Variants in ATG7 observed in about 807,000 individuals in gnomAD.
ATG7 encodes ubiquitin-like modifier-activating enzyme ATG7.
A neutral mutation model predicts 82.4 loss-of-function variants in ATG7; 70 were observed. The ratio of observed to expected loss-of-function variants is 0.85; its 90% CI spans 0.70 to 1.04. The LOEUF is 1.04. Among genes scored for constraint, ATG7 ranks in the 50% least tolerant of loss-of-function variants. The pLI is 0.00. For missense variants in ATG7, 792 were observed against 864.3 expected, an observed-to-expected ratio of 0.92 and a Z score of 1.05; for synonymous variants, 287 against 313.0, an observed-to-expected ratio of 0.92 and a Z score of 0.88.
At chr3:11,477,004 T>TCG in intron 20 of ATG7, 1 of 969,290 alleles carries the variant, frequency 1.0e-6, no homozygotes, top group South Asian at 1.4e-5. Context: ...TTTATTACAG[T>TCG]GTTTTCCGAT....
chr3:11,488,343 C>T lies in ATG7; in HGVS notation c.2079+61417C>T, dbSNP rs1204973340. 375 of 547,522 alleles carry T rather than the reference C, an allele frequency of 6.8e-4. 2 individuals are homozygous for T. The highest frequency in any genetic ancestry group is 6.5e-3 in the African/African-American group (301 of 46,464). The allele number at this position is 547,522 out of a possible 1,614,324, so 33.9% of individuals were successfully genotyped here. A position where few individuals can be genotyped will look rare whatever the true frequency, so the allele number is the denominator to read the frequency against. ...CGCGGGGTCCGTCCGCTCCTCCAGC[C>T]GCTGCCTCCCGGGCGGCACTCGCCG... On this transcript the variant is annotated intron_variant, in intron 20 of 20. Transcript: ENST00000693202.
chr3:11,514,705 C>T (rs1455129284), intron 20 of ATG7, among the ~76,000 whole-genome samples: 2 of 152,234 alleles, frequency 1.3e-5, no homozygotes, highest in Admixed American at 6.5e-5. Flanking sequence ...TACATAGCTC[C>T]ACTTTTCAGA....
chr3:11,348,535 TG>T (rs1477651877), intron 14 of ATG7: 7 of 153,706 alleles, frequency 4.6e-5, no homozygotes, highest in Admixed American at 1.3e-4. Context: ...TGGAGTTTGG[TG>T]GGTTCATAGT....
At chr3:11,569,099 G>A in the ATG7 span, among the ~76,000 whole-genome samples, 1 of 152,210 alleles carries the variant, frequency 6.6e-6, no homozygotes, top group African/African-American at 2.4e-5. Flanking sequence ...ATTCCAAGCA[G>A]TGACATTGAA....
chr3:11,559,513 CT>C (rs376484580), downstream of ATG7: 568 of 1,484,104 alleles, frequency 3.8e-4, 4 homozygotes, highest in African/African-American at 7.2e-3. Flanking sequence ...GGCACCACCC[CT>C]GGGGCCCTCC....
intron 11 of ATG7, among the ~76,000 whole-genome samples, chr3:11,333,616 C>G (rs1951951399): frequency 6.6e-6 from 1 of 151,080 alleles, no homozygotes; most frequent in Non-Finnish European, 1.5e-5. Context: ...GACATTTTAT[C>G]TATAGAGAGA....
chr3:11,373,122 A>G (rs2077149775), intron 18 of ATG7, among the ~76,000 whole-genome samples: 1 of 151,070 alleles, frequency 6.6e-6, no homozygotes, highest in Admixed American at 6.6e-5. Context: ...CTGACAACAA[A>G]TAGGAGAACA....
chr3:11,388,004 C>T (rs970089076), intron 19 of ATG7, among the ~76,000 whole-genome samples: 5 of 152,114 alleles, frequency 3.3e-5, no homozygotes, highest in African/African-American at 1.2e-4. Flanking sequence ...ATTTCAGAGG[C>T]TTCATGAAGT....
At chr3:11,391,825 G>C (rs2078823508) in intron 19 of ATG7, among the ~76,000 whole-genome samples, 1 of 152,140 alleles carries the variant, frequency 6.6e-6, no homozygotes, top group African/African-American at 2.4e-5. Flanking sequence ...ATCAGATGGA[G>C]AGAGCATTAG....
At chr3:11,518,762 C>G (rs1367960062) in intron 20 of ATG7, among the ~76,000 whole-genome samples, 1 of 152,114 alleles carries the variant, frequency 6.6e-6, no homozygotes, top group South Asian at 2.1e-4. Context: ...TAGGGAAACA[C>G]TTGATAGGAG....
At chr3:11,345,658 G>C (rs1329544934) in intron 13 of ATG7, among the ~76,000 whole-genome samples, 2 of 151,810 alleles carry the variant, frequency 1.3e-5, no homozygotes, top group Non-Finnish European at 2.9e-5. Flanking sequence ...ATTAAGCCTT[G>C]CTAGAGAGGC....
intron 1 of ATG7, among the ~76,000 whole-genome samples, chr3:11,279,990 G>A (rs1942732967): frequency 6.7e-6 from 1 of 149,834 alleles, no homozygotes; most frequent in Non-Finnish European, 1.5e-5. Context: ...GGACAAGTAT[G>A]TAACATAACT....
At chr3:11,429,264 G>T (rs1241968502) in intron 20 of ATG7, among the ~76,000 whole-genome samples, 1 of 152,110 alleles carries the variant, frequency 6.6e-6, no homozygotes, top group South Asian at 2.1e-4. Context: ...GGGAGGCCGA[G>T]GGGGGCAGAT....
At chr3:11,298,945 C>A in intron 4 of ATG7, 90 bp downstream of exon 4, 2 of 1,422,288 alleles carry the variant, frequency 1.4e-6, no homozygotes, top group Non-Finnish European at 1.9e-6. Context: ...AAAGAGACAG[C>A]CTTGTCTTTT....
chr3:11,491,143 C>T (rs1330656495), intron 20 of ATG7, among the ~76,000 whole-genome samples: 1 of 152,122 alleles, frequency 6.6e-6, no homozygotes, highest in Non-Finnish European at 1.5e-5. Context: ...TCACATAGTC[C>T]CATATTTCTT....
chr3:11,395,537 T>C (rs567314290), intron 19 of ATG7, among the ~76,000 whole-genome samples: 4 of 152,284 alleles, frequency 2.6e-5, no homozygotes, highest in South Asian at 4.2e-4. Flanking sequence ...ATGGTCAGGC[T>C]TACAGTTGAC....
intron 20 of ATG7, among the ~76,000 whole-genome samples, chr3:11,506,268 C>T (rs1229279567): frequency 6.6e-6 from 1 of 152,146 alleles, no homozygotes; most frequent in Non-Finnish European, 1.5e-5. Flanking sequence ...TAGAGCTGCA[C>T]CATCCAGTGC....
Position 11,557,004 on chromosome 3 carries a change from C to CG in ATG7, c.*2166dup, listed in dbSNP as rs1213172841. 1 of 152,508 alleles carries CG rather than the reference C, an allele frequency of 6.6e-6. No homozygotes were observed. 9.4% of individuals were successfully genotyped at this position (152,508 alleles called of 1,614,324 possible). A position where few individuals can be genotyped will look rare whatever the true frequency, so the allele number is the denominator to read the frequency against. ...ATTCAACAGCTAAAAACTGTAAAAC[C>CG]GGGGGTCATACGGTGTGCAGAGTCC... On this transcript the variant is annotated 3_prime_UTR_variant, in exon 21 of 21. Transcript: ENST00000693202.
intron 11 of ATG7, among the ~76,000 whole-genome samples, chr3:11,335,010 G>A (rs1194345627): frequency 1.3e-5 from 2 of 150,478 alleles, no homozygotes; most frequent in African/African-American, 4.9e-5. Context: ...GAGTGCTACA[G>A]TCAGAAGGAT....
Sources: allele counts gnomAD v4.1 joint callset (sites outside exome capture counted in the v4.1 genomes callset), GRCh38; gene constraint gnomAD v4.1.1; transcripts MANE v1.5; gene names NCBI Gene and HGNC (gene_info 2026-07-23, HGNC 2026-07-21).